GIT2: variants seen among roughly 807,000 people sequenced by gnomAD.
The protein encoded by GIT2 is ARF GTPase-activating protein GIT2.
In GIT2, 32 loss-of-function variants were observed where a neutral mutation model predicts 100.3. The ratio of observed to expected loss-of-function variants is 0.32; its 90% confidence interval spans 0.24 to 0.43. The LOEUF is 0.43. GIT2 is among the 20% of genes least tolerant of loss of function. GIT2 has a pLI of 1.00. For synonymous variants in GIT2, 353 were observed against 364.1 expected, an observed-to-expected ratio of 0.97 and a Z score of 0.35; for missense variants, 737 against 975.1, an observed-to-expected ratio of 0.76 and a Z score of 3.25.
At chr12:109,942,354 G>A (rs375778024) in intron 16 of GIT2, among the ~76,000 whole-genome samples, 88 of 152,212 alleles carry the variant, frequency 5.8e-4, no homozygotes, top group South Asian at 2.7e-3. Flanking sequence ...TGGAGACAGA[G>A]TCTTGCTCTG....
At chr12:109,987,586 CCT>C (rs1200837821) in intron 4 of GIT2, among the ~76,000 whole-genome samples, 1 of 151,824 alleles carries the variant, frequency 6.6e-6, no homozygotes, top group East Asian at 2.0e-4. Context: ...CCAACCTCAG[CCT>C]CCCAGGTAGC....
intron 13 of GIT2, among the ~76,000 whole-genome samples, chr12:109,951,552 C>T (rs898876050): frequency 6.6e-6 from 1 of 152,206 alleles, no homozygotes; most frequent in Non-Finnish European, 1.5e-5. Flanking sequence ...CACATCTATG[C>T]TGACAATGAC....
intron 12 of GIT2, among the ~76,000 whole-genome samples, chr12:109,956,794 A>G (rs570707797): frequency 6.6e-6 from 1 of 152,264 alleles, no homozygotes; most frequent in Non-Finnish European, 1.5e-5. Flanking sequence ...AGGTGGGCAG[A>G]TCGCTTAAGG....
rs186466539 is a variant in GIT2 at position 109,969,631 on chromosome 12, C to T, written c.719-2128G>A. ...GCATAGTCATAGCTCACTGCAGCCTCGACTTCCTGGGCTCAAGTGATCCTC... is the reference window on the plus strand; with the variant it reads ...GCATAGTCATAGCTCACTGCAGCCTTGACTTCCTGGGCTCAAGTGATCCTC... On this transcript the variant is annotated intron_variant, in intron 7 of 19. Transcript: ENST00000355312. 1.3e-4 allele frequency among the ~76,000 whole-genome samples: 20 copies of T among 152,122 alleles called. No individual in the cohort carries two copies. The East Asian group carries it at 3.1e-3, about 24-fold the overall frequency.
At chr12:109,935,686 G>A (rs1872780593) in intron 18 of GIT2, among the ~76,000 whole-genome samples, 3 of 152,330 alleles carry the variant, frequency 2.0e-5, no homozygotes, top group Admixed American at 6.5e-5. Context: ...GTGAGCCACC[G>A]CGCCCAGCCA....
At chr12:109,944,793 C>T (rs890294588) in intron 16 of GIT2, among the ~76,000 whole-genome samples, 1 of 149,892 alleles carries the variant, frequency 6.7e-6, no homozygotes, top group Non-Finnish European at 1.5e-5. Context: ...TTTGTCAGCA[C>T]TTGTGGTGCT....
intron 12 of GIT2, among the ~76,000 whole-genome samples, chr12:109,954,829 G>A (rs1297779842): frequency 1.3e-5 from 2 of 151,476 alleles, no homozygotes; most frequent in Non-Finnish European, 2.9e-5. Flanking sequence ...AACCTAGAAG[G>A]TGGAGGTTGC....
At chr12:109,957,478 T>C (rs1358889733) in intron 12 of GIT2, among the ~76,000 whole-genome samples, 5 of 152,132 alleles carry the variant, frequency 3.3e-5, no homozygotes, top group Non-Finnish European at 2.9e-5. Context: ...CTAAGACAAT[T>C]ACATATTCTT....
At chr12:109,996,509 GTCT>G (rs909143835), upstream of GIT2, 6 of 402,048 alleles carry the variant, frequency 1.5e-5, no homozygotes, top group South Asian at 4.9e-5. Context: ...TTGAATTTGG[GTCT>G]TCTTCTCTGG....
In GIT2 at chr12:109,938,578, T is replaced by C. The variant is rs1204057358; in HGVS notation, c.1815-10A>G. 1 of 1,567,272 alleles carries C rather than the reference T, an allele frequency of 6.4e-7. No homozygotes were observed. Among genetic ancestry groups the C allele is most frequent in the Non-Finnish European group, 8.6e-7 (1 of 1,158,390 alleles). On this transcript the variant is annotated splice_polypyrimidine_tract_variant and intron_variant, in intron 17 of 19. Coordinates refer to ENST00000355312, the MANE Select transcript of GIT2 (RefSeq NM_057169.5). ...TCCCTTTCGGCTTGACCTGTGAACA[T>C]TAAAGATGCAGTTAAATACAGCAGG...
At chr12:109,991,873 A>G (rs1332283741) in intron 1 of GIT2, 113 bp from the exon 2 acceptor site, 2 of 900,888 alleles carry the variant, frequency 2.2e-6, no homozygotes, top group African/African-American at 1.7e-5. Flanking sequence ...TTTTTGTTTC[A>G]GTATGCTCAT....
intron 4 of GIT2, among the ~76,000 whole-genome samples, chr12:109,988,247 T>G (rs753176820): frequency 1.3e-5 from 2 of 152,174 alleles, no homozygotes; most frequent in African/African-American, 2.4e-5. Context: ...TGGCTGCCAT[T>G]TGAATTCAGA....
intron 8 of GIT2, among the ~76,000 whole-genome samples, chr12:109,966,778 T>A (rs900791318): frequency 5.9e-5 from 9 of 152,212 alleles, no homozygotes; most frequent in Non-Finnish European, 1.3e-4. Flanking sequence ...AAAGGTAACT[T>A]GCAAAACAAG....
In GIT2 at chr12:109,930,778, A is replaced by G. The variant is rs917127591; in HGVS notation, c.*2200T>C. ...AAACACTGCTTCACCTCCTGCAGAC[A>G]GCTCATTTCCCAGAAGCCTCTACAG... is the stretch of plus-strand genomic sequence containing the variant. On this transcript the variant is annotated 3_prime_UTR_variant, in exon 20 of 20. Transcript: ENST00000355312. 2 of 152,280 alleles carry G rather than the reference A, an allele frequency of 1.3e-5. No individual in the cohort carries two copies. Among genetic ancestry groups the G allele is most frequent in the Non-Finnish European group, 2.9e-5 (2 of 68,094 alleles). The allele number at this position is 152,280 out of a possible 1,614,324, so 9.4% of individuals were successfully genotyped here.
At position 109,947,296 on chromosome 12, in the gene GIT2, G is replaced by A; in HGVS notation, c.1601C>T (p.Pro534Leu). Reference sequence around the variant, plus strand: ...CTGGAGTCTCATCCTGCTCTCTTCGGGGCGGCTCGCTTCTCCCATTGGGAG... The same window carrying A: ...CTGGAGTCTCATCCTGCTCTCTTCGAGGCGGCTCGCTTCTCCCATTGGGAG... ...PYLPMGEASR[P>L]EESRMRLQPF... The change falls in exon 15 of 20, where the codon CCC (proline) becomes CTC (leucine). Residue 534 changes from proline to leucine, a missense_variant. Transcript: ENST00000355312. This position sits in a 1 kb window ranked among gnomAD's most constrained non-coding sequence, Gnocchi z 4.3. The A allele has an allele frequency of 6.2e-7, 1 of 1,614,112 alleles. No homozygotes were observed. The highest frequency in any genetic ancestry group is 1.3e-5 in the African/African-American group (1 of 75,056).
intron 7 of GIT2, among the ~76,000 whole-genome samples, chr12:109,972,408 A>G (rs1473022655): frequency 6.6e-6 from 1 of 152,206 alleles, no homozygotes; most frequent in Non-Finnish European, 1.5e-5. Flanking sequence ...CTTCTTCTGC[A>G]TCAACTGATA....
chr12:109,940,949 A>C (rs1874489645), intron 16 of GIT2, among the ~76,000 whole-genome samples: 1 of 151,736 alleles, frequency 6.6e-6, no homozygotes, highest in Non-Finnish European at 1.5e-5. Flanking sequence ...AAAACTCTAC[A>C]TAAAGCCTGT....
intron 7 of GIT2, among the ~76,000 whole-genome samples, chr12:109,973,382 C>A (rs1487641116): frequency 6.6e-6 from 1 of 152,030 alleles, no homozygotes; most frequent in East Asian, 1.9e-4. Context: ...CTCAAATGAT[C>A]TATCTGCCTC....
At chr12:109,992,975 T>A (rs909366709) in intron 1 of GIT2, among the ~76,000 whole-genome samples, 5 of 151,644 alleles carry the variant, frequency 3.3e-5, no homozygotes, top group African/African-American at 1.2e-4. Context: ...CCCAGCCAAT[T>A]AATTGTTTTA....
Sources: allele counts gnomAD v4.1 joint callset (sites outside exome capture counted in the v4.1 genomes callset), GRCh38; gene constraint gnomAD v4.1.1; non-coding constraint Gnocchi (gnomAD v3.1); transcripts MANE v1.5; gene names NCBI Gene and HGNC (gene_info 2026-07-23, HGNC 2026-07-21).